Variants in PCDHA4 observed in about 807,000 individuals in gnomAD.
PCDHA4 encodes the protein protocadherin alpha-4.
A neutral mutation model predicts 61.4 loss-of-function variants in PCDHA4; 49 were observed. The observed-to-expected ratio is 0.80, with a 90% CI of 0.63 to 1.01. The LOEUF (loss-of-function observed/expected upper bound fraction) is 1.01. PCDHA4 is among the 50% of genes least tolerant of loss of function. The probability of loss-of-function intolerance (pLI) is 0.00; values close to 1 mark genes in which losing one functional copy is unlikely to be tolerated. For missense variants in PCDHA4, 1,254 were observed against 1,235.8 expected (o/e 1.01, Z -0.22); for synonymous variants, 590 against 550.3 (o/e 1.07, Z -1.01).
intron 1 of PCDHA4, among the ~76,000 whole-genome samples, chr5:140,898,096 G>T (rs2066523889): frequency 6.6e-6 from 1 of 152,034 alleles, no homozygotes; most frequent in South Asian, 2.1e-4. Context: ...TTAGCCCTTT[G>T]TCAGATGAGT....
In PCDHA4 at chr5:140,823,824, G is replaced by T. The variant is rs2150129462; in HGVS notation, c.2385+14252G>T. On this transcript the variant is annotated intron_variant, in intron 1 of 3. Coordinates refer to ENST00000530339, the MANE Select transcript of PCDHA4 (RefSeq NM_018907.4). ...CGAAGGCCTCATCGCGGGCGTCGGC[G>T]GGCGCTGTGGGTCCCGAGGCTGCCC... 71 of 1,613,814 alleles carry T rather than the reference G, an allele frequency of 4.4e-5. No individual in the cohort carries two copies. The Admixed American group carries it at 6.3e-4, about 14-fold the overall frequency.
At chr5:140,955,043 T>C (rs1285355120) in intron 1 of PCDHA4, among the ~76,000 whole-genome samples, 1 of 152,176 alleles carries the variant, frequency 6.6e-6, no homozygotes, top group Non-Finnish European at 1.5e-5. Context: ...CTTTTCCTCA[T>C]TGCTTGTTTT....
chr5:140,961,028 C>T (rs889602727), intron 1 of PCDHA4, among the ~76,000 whole-genome samples: 2 of 152,146 alleles, frequency 1.3e-5, no homozygotes, highest in African/African-American at 4.8e-5. Context: ...TTGCTACCTC[C>T]TTGTTTTGAG....
In PCDHA4 at chr5:140,841,930, G is replaced by A. The variant is rs149689120; in HGVS notation, c.2385+32358G>A. 3.7e-6 allele frequency: 6 copies of A among 1,613,908 alleles called. No individual in the cohort carries two copies. In the African/African-American group the frequency reaches 8.0e-5, roughly 22 times the overall value. ...TATTAAGAAAATCCTTGGACAGAGAGGACGCTCCTGCGCACCACTTATTCC... is the reference window on the plus strand; with the variant it reads ...TATTAAGAAAATCCTTGGACAGAGAAGACGCTCCTGCGCACCACTTATTCC... On this transcript the variant is annotated intron_variant, in intron 1 of 3. Coordinates refer to ENST00000530339, the MANE Select transcript of PCDHA4 (RefSeq NM_018907.4).
chr5:140,868,853 G>C, intron 1 of PCDHA4: 1 of 466,576 alleles, frequency 2.1e-6, no homozygotes, highest in Non-Finnish European at 3.6e-6. Flanking sequence ...AAATTCTGTG[G>C]TGGTAAATGC....
At chr5:140,958,503 C>T (rs1426161443) in intron 1 of PCDHA4, among the ~76,000 whole-genome samples, 1 of 152,118 alleles carries the variant, frequency 6.6e-6, no homozygotes, top group Non-Finnish European at 1.5e-5. Context: ...TCCTAGGAGG[C>T]ATGGCTGTCC....
chr5:140,841,711 G>T (rs1385576183), intron 1 of PCDHA4: 3 of 1,613,772 alleles, frequency 1.9e-6, no homozygotes, highest in South Asian at 1.1e-5. Context: ...ATGACAACCC[G>T]CCAGTGTTCC....
intron 1 of PCDHA4, among the ~76,000 whole-genome samples, chr5:140,912,893 T>C (rs1346036777): frequency 6.6e-6 from 1 of 152,262 alleles, no homozygotes; most frequent in East Asian, 1.9e-4. Context: ...TCTGTTGATA[T>C]GATGTATCAT....
chr5:140,992,789 T>G (rs2097528439), intron 3 of PCDHA4, among the ~76,000 whole-genome samples: 1 of 152,148 alleles, frequency 6.6e-6, no homozygotes, highest in Admixed American at 6.5e-5. Flanking sequence ...AGGGTCAATT[T>G]TATGGATCCA....
In PCDHA4 at chr5:140,877,219, C is replaced by T. The variant is rs200698690; in HGVS notation, c.2385+67647C>T. 9 of 1,613,720 alleles carry T rather than the reference C, an allele frequency of 5.6e-6. No homozygotes were observed. Among genetic ancestry groups the T allele is most frequent in the East Asian group, 4.5e-5 (2 of 44,860 alleles). Reference sequence around the variant, plus strand: ...AGGCGCAGTTAGCGAGTTGGTACCGCGGTCGGTGGGTGCGGGCCACGTGGT... The same window carrying T: ...AGGCGCAGTTAGCGAGTTGGTACCGTGGTCGGTGGGTGCGGGCCACGTGGT... On this transcript the variant is annotated intron_variant, in intron 1 of 3. Transcript: ENST00000530339.
chr5:141,000,393 CTCTATATA>C (rs1486021873), intron 3 of PCDHA4, among the ~76,000 whole-genome samples: 100 of 52,828 alleles, frequency 1.9e-3, no homozygotes, highest in Middle Eastern at 0.012. Context: ...CTCTCTCTCT[CTCTATATA>C]TATATATATA....
chr5:140,869,274 G>A, intron 1 of PCDHA4: 1 of 1,613,594 alleles, frequency 6.2e-7, no homozygotes. Context: ...TGGAGCTGGC[G>A]GAGCTGGTGC....
chr5:140,964,138 C>T (rs529852998), intron 1 of PCDHA4, among the ~76,000 whole-genome samples: 1 of 152,300 alleles, frequency 6.6e-6, no homozygotes, highest in Admixed American at 6.5e-5. Flanking sequence ...GTAAGGTTGG[C>T]AGGAGCCTCA....
At position 140,876,586 on chromosome 5, in the gene PCDHA4, A is replaced by C. The variant is rs782256478; in HGVS notation, c.2385+67014A>C. 3 of 1,614,148 alleles carry C rather than the reference A, an allele frequency of 1.9e-6. No individual in the cohort carries two copies. The South Asian group carries it at 3.3e-5, about 18-fold the overall frequency. On this transcript the variant is annotated intron_variant, in intron 1 of 3. Transcript: ENST00000530339. Reference sequence around the variant, plus strand: ...TCAGGTGGGTACCGTCATTGCCCTGATTAGCGTGTCGGATCGTGACTCTGG... The same window carrying C: ...TCAGGTGGGTACCGTCATTGCCCTGCTTAGCGTGTCGGATCGTGACTCTGG...
intron 1 of PCDHA4, among the ~76,000 whole-genome samples, chr5:140,941,011 C>T (rs1554213684): frequency 6.6e-6 from 1 of 152,124 alleles, no homozygotes; most frequent in African/African-American, 2.4e-5. Context: ...TTTTCCTTTC[C>T]TATTTTCCTT....
intron 1 of PCDHA4, chr5:140,851,313 C>T: frequency 1.0e-6 from 1 of 998,874 alleles, no homozygotes; most frequent in Non-Finnish European, 1.2e-6. Flanking sequence ...GCAATTGTTA[C>T]CTTGTTAAGT....
chr5:140,923,189 C>A (rs1452451112), intron 1 of PCDHA4, among the ~76,000 whole-genome samples: 1 of 152,210 alleles, frequency 6.6e-6, no homozygotes, highest in African/African-American at 2.4e-5. Flanking sequence ...GCATCTACTG[C>A]AGCAATTTGG....
chr5:140,944,472 G>C (rs1554216383), intron 1 of PCDHA4, among the ~76,000 whole-genome samples: 2 of 152,220 alleles, frequency 1.3e-5, no homozygotes, highest in Non-Finnish European at 2.9e-5. Context: ...CAGGTATGAG[G>C]CACTGGACTG....
At position 140,878,940 on chromosome 5, in the gene PCDHA4, A is replaced by G. The variant is rs554609702; in HGVS notation, c.2385+69368A>G. ...CTTCAATCAATAATTTTAAATAAATATATGGTATTGAAATGTATTACCTGG... is the reference window on the plus strand; with the variant it reads ...CTTCAATCAATAATTTTAAATAAATGTATGGTATTGAAATGTATTACCTGG... On this transcript the variant is annotated intron_variant, in intron 1 of 3. Transcript: ENST00000530339. 9.8e-5 allele frequency among the ~76,000 whole-genome samples: 15 copies of G among 152,366 alleles called. No individual in the cohort carries two copies. In the East Asian group the frequency reaches 2.3e-3, roughly 23 times the overall value.
Sources: gnomAD v4.1 joint callset for allele counts (sites outside exome capture counted in the v4.1 genomes callset) on GRCh38, gnomAD v4.1.1 for gene constraint, MANE v1.5 for transcripts, NCBI Gene and HGNC (gene_info 2026-07-23, HGNC 2026-07-21) for gene names.